The following B3GALT1 variants were observed in gnomAD, a reference collection of about 807,000 sequenced individuals.
B3GALT1 encodes UDP-Gal:betaGlcNAc beta 1,3-galactosyltransferase, polypeptide 1.
B3GALT1 carries 10 observed loss-of-function variants against 23.2 expected under a neutral mutation model. The observed-to-expected ratio is 0.43, with a 90% CI of 0.27 to 0.73. The LOEUF (loss-of-function observed/expected upper bound fraction) is 0.73, where lower values mean the gene tolerates loss of function less well. Ranked by LOEUF, B3GALT1 falls within the 30% of genes least tolerant of loss-of-function variation. The pLI is 0.21. For synonymous variants in B3GALT1, 156 were observed against 141.5 expected, an observed-to-expected ratio of 1.10 and a Z score of -0.73; for missense variants, 299 against 405.4, an observed-to-expected ratio of 0.74 and a Z score of 2.25.
At chr2:167,756,937 G>A (rs775803844) in intron 3 of B3GALT1, among the ~76,000 whole-genome samples, 1 of 152,112 alleles carries the variant, frequency 6.6e-6, no homozygotes, top group Non-Finnish European at 1.5e-5. Flanking sequence ...GAGGTGGTGG[G>A]ATGGAGCAAT....
intron 1 of B3GALT1, among the ~76,000 whole-genome samples, chr2:167,441,986 G>A (rs1400451526): frequency 2.0e-5 from 3 of 151,526 alleles, no homozygotes; most frequent in South Asian, 2.1e-4. Flanking sequence ...CCATTAACTC[G>A]TCATCTAGCA....
chr2:167,408,794 T>A (rs1263781957), intron 1 of B3GALT1, among the ~76,000 whole-genome samples: 5 of 26,174 alleles, frequency 1.9e-4, no homozygotes, highest in African/African-American at 5.1e-4. Flanking sequence ...AGTGAAGATG[T>A]ATACAAAAAA....
chr2:167,787,484 G>A (rs1265409396), intron 3 of B3GALT1, among the ~76,000 whole-genome samples: 15 of 152,158 alleles, frequency 9.9e-5, no homozygotes, highest in Admixed American at 9.2e-4. Context: ...AAACTTTCTG[G>A]TTCTATGTAT....
intron 3 of B3GALT1, among the ~76,000 whole-genome samples, chr2:167,659,300 G>A (rs1328776877): frequency 1.3e-5 from 2 of 151,748 alleles, no homozygotes; most frequent in African/African-American, 2.4e-5. Flanking sequence ...CCCTTTGTCA[G>A]TAGTTATTCT....
chr2:167,607,117 AAG>A (rs1684975972), intron 2 of B3GALT1, among the ~76,000 whole-genome samples: 1 of 152,200 alleles, frequency 6.6e-6, no homozygotes, highest in Admixed American at 6.5e-5. Flanking sequence ...CTGAATTAAC[AAG>A]AAGAAAACAG....
chr2:167,803,496 C>A (rs55901650), intron 3 of B3GALT1, among the ~76,000 whole-genome samples: 1 of 152,120 alleles, frequency 6.6e-6, no homozygotes. Flanking sequence ...AGGCGTAGCT[C>A]TATTGTTTTT....
At chr2:167,710,569 A>G (rs1326929468) in intron 3 of B3GALT1, among the ~76,000 whole-genome samples, 1 of 152,190 alleles carries the variant, frequency 6.6e-6, no homozygotes. Context: ...TCCTCGATGT[A>G]TGAGAGACCA....
chr2:167,760,819 A>G (rs895268334), intron 3 of B3GALT1, among the ~76,000 whole-genome samples: 2 of 152,212 alleles, frequency 1.3e-5, no homozygotes, highest in Non-Finnish European at 2.9e-5. Context: ...CTTAATACAT[A>G]TCATGTGGCA....
intron 3 of B3GALT1, among the ~76,000 whole-genome samples, chr2:167,753,338 C>G (rs952917953): frequency 1.3e-5 from 2 of 152,186 alleles, no homozygotes; most frequent in East Asian, 1.9e-4. Flanking sequence ...AGCCATGGGA[C>G]TAAAGCCATG....
intron 3 of B3GALT1, among the ~76,000 whole-genome samples, chr2:167,749,114 A>G (rs1475189856): frequency 1.3e-5 from 2 of 152,230 alleles, no homozygotes; most frequent in African/African-American, 4.8e-5. Flanking sequence ...TTAAATAGTC[A>G]TGACTAAGCA....
intron 4 of B3GALT1, among the ~76,000 whole-genome samples, chr2:167,864,556 C>G (rs1433680371): frequency 1.3e-5 from 2 of 151,984 alleles, no homozygotes; most frequent in African/African-American, 2.4e-5. Context: ...AGAGTGAGAC[C>G]CTGTATTAAC....
chr2:167,555,948 G>A (rs1683841074), intron 2 of B3GALT1, among the ~76,000 whole-genome samples: 1 of 152,140 alleles, frequency 6.6e-6, no homozygotes, highest in Non-Finnish European at 1.5e-5. Context: ...CTGAATACAT[G>A]CCTCACCATT....
chr2:167,756,070 A>G (rs756105008), intron 3 of B3GALT1, among the ~76,000 whole-genome samples: 1 of 152,188 alleles, frequency 6.6e-6, no homozygotes, highest in East Asian at 1.9e-4. Context: ...TTAGAACTAC[A>G]TGAACATAAA....
chr2:167,612,683 G>A (rs141886825), intron 2 of B3GALT1, among the ~76,000 whole-genome samples: 198 of 151,834 alleles, frequency 1.3e-3, no homozygotes, highest in Middle Eastern at 3.4e-3. Flanking sequence ...TTATGTGTGA[G>A]CTTTACAATG....
At chr2:167,549,007 T>C (rs1448650187) in intron 2 of B3GALT1, among the ~76,000 whole-genome samples, 2 of 152,184 alleles carry the variant, frequency 1.3e-5, no homozygotes, top group Non-Finnish European at 2.9e-5. Flanking sequence ...TTAATGTTTA[T>C]TGATGCCTGA....
chr2:167,499,962 G>C (rs1229168766), intron 2 of B3GALT1, among the ~76,000 whole-genome samples: 1 of 152,044 alleles, frequency 6.6e-6, no homozygotes, highest in East Asian at 1.9e-4. Context: ...TGGCAGGTCA[G>C]GGGTGGTGTG....
intron 2 of B3GALT1, among the ~76,000 whole-genome samples, chr2:167,576,750 T>C (rs1323676170): frequency 6.6e-6 from 1 of 151,670 alleles, no homozygotes; most frequent in Non-Finnish European, 1.5e-5. Context: ...AGGTGTGTGG[T>C]CTCCATTTGC....
In B3GALT1 at chr2:167,869,480, C is replaced by T. The variant is rs1330686053; in HGVS notation, c.441C>T (p.Asp147=). 1.3e-5 allele frequency: 21 copies of T among 1,614,028 alleles called. No individual in the cohort carries two copies. The highest frequency in any genetic ancestry group is 1.7e-5 in the Admixed American group (1 of 60,018). The change falls in exon 5 of 5, where the codon GAC becomes GAT. Residue 147 remains aspartate, a synonymous_variant. Transcript: ENST00000392690. This position sits in a 1 kb window ranked among gnomAD's most constrained non-coding sequence, Gnocchi z 6.4. ...FHDIIVEDFI[D]SYHNLTLKTL... Reference sequence around the variant, plus strand: ...ATATCATCGTGGAGGACTTTATTGACTCCTACCATAACCTTACCCTCAAAA... The same window carrying T: ...ATATCATCGTGGAGGACTTTATTGATTCCTACCATAACCTTACCCTCAAAA...
intron 2 of B3GALT1, among the ~76,000 whole-genome samples, chr2:167,625,185 T>C (rs1685319158): frequency 6.6e-6 from 1 of 151,902 alleles, no homozygotes; most frequent in South Asian, 2.1e-4. Context: ...TCTTTTTCTT[T>C]CAAACAATTT....
Sources: gnomAD v4.1 joint callset for allele counts (sites outside exome capture counted in the v4.1 genomes callset) on GRCh38, gnomAD v4.1.1 for gene constraint, Gnocchi (gnomAD v3.1) non-coding constraint, MANE v1.5 for transcripts, NCBI Gene and HGNC (gene_info 2026-07-23, HGNC 2026-07-21) for gene names.